QRICH2: variants seen among roughly 807,000 people sequenced by gnomAD.
The protein encoded by QRICH2 is glutamine rich 2, also known as glutamine-rich protein 2.
QRICH2 carries 119 observed loss-of-function variants against 168.3 expected under a neutral mutation model. That is an observed-to-expected ratio of 0.71 (90% CI 0.61 to 0.82). The LOEUF (loss-of-function observed/expected upper bound fraction) is 0.82, where lower values mean the gene tolerates loss of function less well. QRICH2 is among the 40% of genes least tolerant of loss of function. QRICH2 has a pLI of 0.00. For missense variants in QRICH2, 2,241 were observed against 2,491.6 expected, an observed-to-expected ratio of 0.90 and a Z score of 2.14; for synonymous variants, 894 against 951.2, an observed-to-expected ratio of 0.94 and a Z score of 1.11.
rs548503785 is a variant in QRICH2, at chr17:76,275,157, T to C, written c.5482+662A>G. 6.9e-4 allele frequency among the ~76,000 whole-genome samples: 105 copies of C among 152,004 alleles called. 1 individual carries two copies. The highest frequency in any genetic ancestry group is 1.0e-3 in the Non-Finnish European group (70 of 67,950). ...CAAGGAATGTGGGTGCATAACTGTT[T>C]TACAGGAGGAAGGTCGGCAGCTTTT... On this transcript the variant is annotated intron_variant, in intron 18 of 18. Transcript: ENST00000680821.
chr17:76,280,488 G>T lies in QRICH2; in HGVS notation c.4462-37C>A. On this transcript the variant is annotated intron_variant, in intron 10 of 18. Transcript: ENST00000680821. The surrounding 1 kb of genome is among the most constrained non-coding windows in gnomAD (Gnocchi z 7.4). Reference sequence around the variant, plus strand: ...CAGACAGAGGTCCCCGCATCTGGGAGATGGCCATGGAGGGGCCCCATTCCC... The same window carrying T: ...CAGACAGAGGTCCCCGCATCTGGGATATGGCCATGGAGGGGCCCCATTCCC... 6.2e-7 allele frequency: 1 copy of T among 1,608,264 alleles called. No individual in the cohort carries two copies. The highest frequency in any genetic ancestry group is 8.5e-7 in the Non-Finnish European group (1 of 1,177,010).
chr17:76,308,347 G>C (rs1037548609), upstream of QRICH2: 2 of 985,160 alleles, frequency 2.0e-6, no homozygotes, highest in Non-Finnish European at 2.4e-6. Flanking sequence ...CCACGGGGGC[G>C]GGGGGAAGTA....
chr17:76,310,787 A>G (rs1285691402), upstream of QRICH2: 3 of 143,520 alleles, frequency 2.1e-5, no homozygotes, highest in Non-Finnish European at 3.0e-5. Flanking sequence ...TTTTTTTTTT[A>G]AAGATTTAAA....
chr17:76,278,227 A>G (rs372076652), intron 14 of QRICH2, 38 bp from the exon 15 acceptor site: 143 of 1,587,562 alleles, frequency 9.0e-5, no homozygotes, highest in Non-Finnish European at 1.1e-4. Context: ...GGGTTGGCCC[A>G]TGGCGGGGGC....
At position 76,293,095 on chromosome 17, in the gene QRICH2, A is replaced by C; in HGVS notation, c.1632T>G (p.Ser544Arg). Residue 544 changes from serine to arginine, a missense_variant, in exon 4 of 19, where the codon AGT (serine) becomes AGG (arginine). Physicochemically the swap from Ser to Arg is moderately radical, Grantham distance 110. Around this residue, in one of 3 missense-constraint regions of QRICH2, gnomAD observed 2,047 missense variants for 2,303.8 expected, o/e 0.89. Transcript: ENST00000680821. ...GLVSPGLMPISADQQGFVQPS... is the reference protein window; with the variant it reads ...GLVSPGLMPIRADQQGFVQPS... ...GCTGCACAAAACCTTGCTGATCTGC[A>C]CTAATTGGCATCAAACCAGGTGATA... is the stretch of plus-strand genomic sequence containing the variant. The C allele has an allele frequency of 6.2e-7, 1 of 1,614,228 alleles. No homozygotes were observed. The highest frequency in any genetic ancestry group is 1.3e-5 in the African/African-American group (1 of 75,060).
At chr17:76,296,847 T>C (rs1308679176) in intron 3 of QRICH2, among the ~76,000 whole-genome samples, 1 of 148,304 alleles carries the variant, frequency 6.7e-6, no homozygotes, top group Non-Finnish European at 1.5e-5. Context: ...ACTCCAGAGG[T>C]CTGTGGAGGA....
chr17:76,286,673 G>A lies in QRICH2; in HGVS notation c.4011+519C>T, dbSNP rs192874416. Among the ~76,000 whole-genome samples, 139 of 152,084 alleles carry A rather than the reference G, an allele frequency of 9.1e-4. 3 individuals carry two copies. Among genetic ancestry groups the A allele is most frequent in the Middle Eastern group, 3.4e-3 (1 of 294 alleles). On this transcript the variant is annotated intron_variant, in intron 7 of 18. Coordinates refer to ENST00000680821, the MANE Select transcript of QRICH2 (RefSeq NM_001388453.1). The stretch of plus-strand genomic sequence containing the variant: ...ATCATAAAAAAGATAGGGAAAGATC[G>A]TGATCAGCCTGGCCAAAATGGTGAA...
intron 7 of QRICH2, among the ~76,000 whole-genome samples, chr17:76,286,057 C>T (rs2070879114): frequency 6.6e-6 from 1 of 152,004 alleles, no homozygotes; most frequent in South Asian, 2.1e-4. Flanking sequence ...TGCCTGTAGT[C>T]CCAGCTACTC....
rs778166551 is a variant in QRICH2, at chr17:76,280,950, C to T, written c.4267G>A (p.Glu1423Lys). 5.0e-6 allele frequency: 8 copies of T among 1,608,970 alleles called. No homozygotes were observed. Among genetic ancestry groups the T allele is most frequent in the Admixed American group, 1.7e-5 (1 of 60,012 alleles). The change falls in exon 9 of 19, where the codon GAG (glutamate) becomes AAG (lysine). Residue 1423 changes from glutamate to lysine, a missense_variant. This residue lies in a region of QRICH2 where 2,047 missense variants were observed against 2,303.8 expected (regional missense o/e 0.89). Transcript: ENST00000680821. This position sits in a 1 kb window ranked among gnomAD's most constrained non-coding sequence, Gnocchi z 7.4. ...CTCTGCACACGGCCCAGCAGCTCCT[C>T]GTCCTGCGGCAGGAGGGATGGGAAG... ...SKKAKLQRQD[E>K]ELLGRVQSAI...
Position 76,304,905 on chromosome 17 carries a change from A to G in QRICH2, c.571T>C (p.Phe191Leu). The G allele has an allele frequency of 6.2e-7, 1 of 1,613,748 alleles. No individual in the cohort carries two copies. Among genetic ancestry groups the G allele is most frequent in the South Asian group, 1.1e-5 (1 of 91,078 alleles). ...LQRVDELEKL[F>L]KDREQFLELV... ...ACCAGGAATTGCTCCCGATCTTTGAATAGCTTCTCTAGTTCATCAACCCGC... is the reference window on the plus strand; with the variant it reads ...ACCAGGAATTGCTCCCGATCTTTGAGTAGCTTCTCTAGTTCATCAACCCGC... Residue 191 changes from phenylalanine (F) to leucine (L), a missense_variant, in exon 2 of 19, where the codon TTC becomes CTC. By Grantham distance (22) the Phe-to-Leu change is conservative. Around this residue, in one of 3 missense-constraint regions of QRICH2, gnomAD observed 2,047 missense variants for 2,303.8 expected, o/e 0.89. Coordinates refer to ENST00000680821, the MANE Select transcript of QRICH2 (RefSeq NM_001388453.1).
intron 17 of QRICH2, 121 bp downstream of exon 17, chr17:76,276,557 TGA>T (rs1018732207): frequency 4.1e-5 from 27 of 662,032 alleles, no homozygotes; most frequent in Non-Finnish European, 6.4e-5. Flanking sequence ...ACATTTGGAG[TGA>T]GGGGAATGGA....
Position 76,277,210 on chromosome 17 carries a change from G to A in QRICH2, c.5218C>T (p.Leu1740Phe). The A allele has an allele frequency of 1.2e-6, 2 of 1,603,520 alleles. No individual in the cohort carries two copies. Among genetic ancestry groups the A allele is most frequent in the Non-Finnish European group, 1.7e-6 (2 of 1,177,100 alleles). The stretch of plus-strand genomic sequence containing the variant: ...TCAGTAGGATACAGGCCCCGGGGAA[G>A]GTGCTGCGGGCGGCTGCGGTGGTAG... ...YPYHRSRPQH[L>F]PRGLYPTEEI... Residue 1740 changes from leucine (L) to phenylalanine (F), a missense_variant, in exon 16 of 19, where the codon CTT becomes TTT. Physicochemically the swap from Leu to Phe is conservative, Grantham distance 22 (BLOSUM62 0). Around this residue, in one of 3 missense-constraint regions of QRICH2, gnomAD observed 2,047 missense variants for 2,303.8 expected, o/e 0.89. Transcript: ENST00000680821.
At position 76,304,405 on chromosome 17, in the gene QRICH2, A is replaced by C; in HGVS notation, c.705+10T>G. On this transcript the variant is annotated intron_variant, in intron 3 of 18. Transcript: ENST00000680821. ...ACCCAAGACCACGGCCCAGGCCCCC[A>C]CTGGTTCACCGCTTGTGAGGCTCTC... 1 of 1,598,996 alleles carries C rather than the reference A, an allele frequency of 6.3e-7. No homozygotes were observed. The highest frequency in any genetic ancestry group is 8.6e-7 in the Non-Finnish European group (1 of 1,168,572).
chr17:76,276,742 A>G lies in QRICH2; in HGVS notation c.5291T>C (p.Leu1764Pro). 1 of 1,613,214 alleles carries G rather than the reference A, an allele frequency of 6.2e-7. No individual in the cohort carries two copies. The highest frequency in any genetic ancestry group is 8.5e-7 in the Non-Finnish European group (1 of 1,179,868). The change falls in exon 17 of 19, where the codon CTG (leucine) becomes CCG (proline). Residue 1764 changes from leucine to proline, a missense_variant. Physicochemically the swap from Leu to Pro is moderately conservative, Grantham distance 98. This residue lies in a region of QRICH2 where 5 missense variants were observed against 18.5 expected (regional missense o/e 0.27). Coordinates refer to ENST00000680821, the MANE Select transcript of QRICH2 (RefSeq NM_001388453.1). ...MKHDEVDILG[L>P]DGHIYKGRMD... is the part of the protein sequence containing the mutation. The stretch of plus-strand genomic sequence containing the variant: ...CCGTCCCTTGTAAATGTGGCCATCC[A>G]GGCCCAAGATGTCCACCTCATCATG...
chr17:76,278,540 C>T (rs1320513309), intron 14 of QRICH2, among the ~76,000 whole-genome samples: 1 of 152,246 alleles, frequency 6.6e-6, no homozygotes, highest in Non-Finnish European at 1.5e-5. Context: ...AGCCTGAAGT[C>T]CTCTGAACTA....
At position 76,292,481 on chromosome 17, in the gene QRICH2, C is replaced by T. The variant is rs1568119058; in HGVS notation, c.2246G>A (p.Arg749His). 20 of 1,518,484 alleles carry T rather than the reference C, an allele frequency of 1.3e-5. No homozygotes were observed. Among genetic ancestry groups the T allele is most frequent in the Non-Finnish European group, 1.4e-5 (16 of 1,130,288 alleles). The allele number at this position is 1,518,484 out of a possible 1,614,324, so 94.1% of individuals were successfully genotyped here. A position where few individuals can be genotyped will look rare whatever the true frequency, so the allele number is the denominator to read the frequency against. The change falls in exon 4 of 19, where the codon CGT becomes CAT. Residue 749 changes from arginine (R) to histidine (H), a missense_variant. This residue lies in a region of QRICH2 where 2,047 missense variants were observed against 2,303.8 expected (regional missense o/e 0.89). Transcript: ENST00000680821. ...GLAQPRADHQ[R>H]GLVPPGADQR... is the part of the protein sequence containing the mutation. ...ATCTGCACCAGGTGGGACCAAACCACGCTGATGATCTGCACGAGGTTGTGC... is the reference window on the plus strand; with the variant it reads ...ATCTGCACCAGGTGGGACCAAACCATGCTGATGATCTGCACGAGGTTGTGC...
chr17:76,281,630 C>T lies in QRICH2; in HGVS notation c.4263+234G>A, dbSNP rs972939729. On this transcript the variant is annotated intron_variant, in intron 8 of 18. Coordinates refer to ENST00000680821, the MANE Select transcript of QRICH2 (RefSeq NM_001388453.1). The surrounding 1 kb of genome is among the most constrained non-coding windows in gnomAD (Gnocchi z 4.4). The stretch of plus-strand genomic sequence containing the variant: ...GCCGGCCTGTGCTGTCCCACCCCAT[C>T]AAGCCAGCTCTTCCCCATGGTCTCC... Among the ~76,000 whole-genome samples, 33 of 152,258 alleles carry T rather than the reference C, an allele frequency of 2.2e-4. No homozygotes were observed. The highest frequency in any genetic ancestry group is 8.0e-4 in the African/African-American group (33 of 41,474).
intron 4 of QRICH2, among the ~76,000 whole-genome samples, chr17:76,290,768 C>T (rs184971601): frequency 1.3e-5 from 2 of 152,282 alleles, no homozygotes; most frequent in African/African-American, 4.8e-5. Context: ...CTTTCCCCCA[C>T]TGCTGTGCAG....
chr17:76,278,127 C>T lies in QRICH2; in HGVS notation c.4979G>A (p.Arg1660His), dbSNP rs144208097. 789 of 1,612,984 alleles carry T rather than the reference C, an allele frequency of 4.9e-4. 9 individuals carry two copies. The African/African-American group carries it at 8.5e-3, about 17-fold the overall frequency. The change falls in exon 15 of 19, where the codon CGC becomes CAC. Residue 1660 changes from arginine to histidine, a missense_variant. Transcript: ENST00000680821. ...DLAQMEQSVG[R>H]LRSMHSKMLM... Reference sequence around the variant, plus strand: ...CATCTTGGAGTGCATGGAGCGCAGGCGCCCCACGCTCTGCTCCATCTGCGC... The same window carrying T: ...CATCTTGGAGTGCATGGAGCGCAGGTGCCCCACGCTCTGCTCCATCTGCGC...
Sources: gnomAD v4.1 joint callset for allele counts (sites outside exome capture counted in the v4.1 genomes callset) on GRCh38, gnomAD v4.1.1 for gene constraint, gnomAD v4.1.1 regional missense constraint, Gnocchi (gnomAD v3.1) non-coding constraint, MANE v1.5 for transcripts, NCBI Gene and HGNC (gene_info 2026-07-23, HGNC 2026-07-21) for gene names.